The following EHBP1 variants were observed in gnomAD, a reference collection of about 807,000 sequenced individuals.
The protein encoded by EHBP1 is EH domain-binding protein 1.
EHBP1 carries 55 observed loss-of-function variants against 144.0 expected under a neutral mutation model. That is an observed-to-expected ratio of 0.38 (90% CI 0.31 to 0.48). The LOEUF (loss-of-function observed/expected upper bound fraction) is 0.48, where lower values mean the gene tolerates loss of function less well. Among genes scored for constraint, EHBP1 ranks in the 20% least tolerant of loss-of-function variants. The pLI is 0.98. For synonymous variants in EHBP1, 469 were observed against 472.7 expected (o/e 0.99, Z 0.10); for missense variants, 1,200 against 1,364.2 (o/e 0.88, Z 1.90).
chr2:62,876,894 G>A (rs954511768), intron 10 of EHBP1, among the ~76,000 whole-genome samples: 6 of 152,164 alleles, frequency 3.9e-5, no homozygotes, highest in African/African-American at 1.4e-4. Flanking sequence ...TGGAGATACA[G>A]AGACAAACCA....
intron 14 of EHBP1, chr2:62,965,085 CTTTG>C (rs1384388201): frequency 1.3e-5 from 2 of 152,562 alleles, no homozygotes; most frequent in Admixed American, 6.6e-5. Flanking sequence ...TTTAATTGGT[CTTTG>C]TTTGATTTTA....
At chr2:62,910,071 C>A in intron 10 of EHBP1, among the ~76,000 whole-genome samples, 1 of 151,988 alleles carries the variant, frequency 6.6e-6, no homozygotes, top group South Asian at 2.1e-4. Flanking sequence ...TGTTTTTAAT[C>A]GAAGTTCAAT....
In EHBP1 at chr2:62,720,585, A is replaced by G. The variant is rs748079945; in HGVS notation, c.104+13290A>G. ...ATTTATTCATGCAATAAGTGGGTCT[A>G]GATATCAAGTTTAATGGTTCAGCTT... is the stretch of plus-strand genomic sequence containing the variant. On this transcript the variant is annotated intron_variant, in intron 2 of 22. Transcript: ENST00000431489. Among the ~76,000 whole-genome samples, 6 of 152,348 alleles carry G rather than the reference A, an allele frequency of 3.9e-5. No individual in the cohort carries two copies. In the East Asian group the frequency reaches 1.2e-3, roughly 29 times the overall value.
At chr2:62,800,999 G>T (rs2043938017) in intron 5 of EHBP1, among the ~76,000 whole-genome samples, 2 of 152,136 alleles carry the variant, frequency 1.3e-5, no homozygotes, top group Admixed American at 6.5e-5. Context: ...AATCAACCCT[G>T]GGCACCACCT....
chr2:62,756,493 G>C (rs556615649), intron 3 of EHBP1, among the ~76,000 whole-genome samples: 1 of 152,136 alleles, frequency 6.6e-6, no homozygotes, highest in South Asian at 2.1e-4. Flanking sequence ...TTTAGGCTGC[G>C]CGTGTTGGCT....
intron 14 of EHBP1, among the ~76,000 whole-genome samples, chr2:62,966,138 G>A (rs1291345579): frequency 6.6e-6 from 1 of 152,118 alleles, no homozygotes; most frequent in Non-Finnish European, 1.5e-5. Context: ...TCACTGTTTT[G>A]ATAATAGAAC....
intron 4 of EHBP1, among the ~76,000 whole-genome samples, chr2:62,768,115 T>C (rs974772405): frequency 6.6e-6 from 1 of 151,946 alleles, no homozygotes; most frequent in Non-Finnish European, 1.5e-5. Flanking sequence ...CTGAAAGAAT[T>C]AGAGAAGCAA....
chr2:62,707,097 A>G lies in EHBP1; in HGVS notation c.-95A>G. ...CGAGTTGTAGTTGAGTTTTTAAAAG[A>G]CATACATGCAAAGTTCCTTTGCTTT... is the stretch of plus-strand genomic sequence containing the variant. On this transcript the variant is annotated 5_prime_UTR_variant, in exon 2 of 23. Transcript: ENST00000431489. 1 of 899,980 alleles carries G rather than the reference A, an allele frequency of 1.1e-6. No individual in the cohort carries two copies. Among genetic ancestry groups the G allele is most frequent in the Non-Finnish European group, 1.8e-6 (1 of 545,594 alleles). 55.7% of individuals were successfully genotyped at this position (899,980 alleles called of 1,614,324 possible).
chr2:62,860,876 C>A (rs2049469086), intron 8 of EHBP1, among the ~76,000 whole-genome samples: 1 of 152,032 alleles, frequency 6.6e-6, no homozygotes, highest in Non-Finnish European at 1.5e-5. Flanking sequence ...TTTAATTATA[C>A]CTGTAGAGCC....
At chr2:63,038,875 A>G in intron 21 of EHBP1, 59 bp downstream of exon 21, 1 of 1,483,958 alleles carries the variant, frequency 6.7e-7, no homozygotes, top group South Asian at 1.1e-5. Context: ...AGAGATTTAA[A>G]GAATATAATA....
At chr2:62,732,976 T>C (rs541870946) in intron 2 of EHBP1, among the ~76,000 whole-genome samples, 28 of 152,306 alleles carry the variant, frequency 1.8e-4, no homozygotes, top group Admixed American at 1.4e-3. Flanking sequence ...ATTTCTTGCG[T>C]TTCCTTTTGA....
chr2:62,934,456 T>C (rs1021369727), intron 10 of EHBP1, among the ~76,000 whole-genome samples: 1 of 152,224 alleles, frequency 6.6e-6, no homozygotes, highest in Non-Finnish European at 1.5e-5. Flanking sequence ...TCTTTGTAAT[T>C]CTAGCTACAA....
chr2:62,739,004 A>G (rs750088434), intron 2 of EHBP1, among the ~76,000 whole-genome samples: 2 of 152,202 alleles, frequency 1.3e-5, no homozygotes, highest in Admixed American at 6.5e-5. Flanking sequence ...TGGAAGCTCT[A>G]TGCATACACA....
At chr2:62,861,778 T>C (rs1416425928) in intron 8 of EHBP1, among the ~76,000 whole-genome samples, 2 of 152,002 alleles carry the variant, frequency 1.3e-5, no homozygotes, top group African/African-American at 2.4e-5. Context: ...AAGTCTTCTC[T>C]TAAACCCTCC....
intron 10 of EHBP1, among the ~76,000 whole-genome samples, chr2:62,893,892 A>G (rs1425864176): frequency 6.6e-6 from 1 of 152,130 alleles, no homozygotes; most frequent in Non-Finnish European, 1.5e-5. Flanking sequence ...ACAAATACAA[A>G]AAATTAGCTG....
chr2:62,884,202 G>A (rs1053889981), intron 10 of EHBP1, among the ~76,000 whole-genome samples: 10 of 152,156 alleles, frequency 6.6e-5, no homozygotes, highest in East Asian at 5.8e-4. Flanking sequence ...GAGGTATGCC[G>A]AACATTGAGG....
chr2:63,022,609 C>G (rs1056006771), intron 19 of EHBP1, among the ~76,000 whole-genome samples: 37 of 152,108 alleles, frequency 2.4e-4, no homozygotes, highest in African/African-American at 8.7e-4. Context: ...GCCACCGCAC[C>G]TGGCCAACAT....
At chr2:62,779,075 C>T (rs927179500) in intron 5 of EHBP1, among the ~76,000 whole-genome samples, 2 of 152,186 alleles carry the variant, frequency 1.3e-5, no homozygotes, top group African/African-American at 4.8e-5. Flanking sequence ...CAAACATTAG[C>T]AGTACCCCTC....
chr2:62,860,360 G>A (rs1305134626), intron 8 of EHBP1, among the ~76,000 whole-genome samples: 1 of 152,106 alleles, frequency 6.6e-6, no homozygotes, highest in African/African-American at 2.4e-5. Flanking sequence ...GCATGGTGGT[G>A]CATGCATGTA....
Sources: allele counts gnomAD v4.1 joint callset (sites outside exome capture counted in the v4.1 genomes callset), GRCh38; gene constraint gnomAD v4.1.1; transcripts MANE v1.5; gene names NCBI Gene and HGNC (gene_info 2026-07-23, HGNC 2026-07-21).